UBE4B: variants seen among roughly 807,000 people sequenced by gnomAD.
UBE4B encodes the protein ubiquitin conjugation factor E4 B.
Under a neutral mutation model 148.1 loss-of-function variants are expected in UBE4B, and 27 were observed. The ratio of observed to expected loss-of-function variants is 0.18; its 90% CI spans 0.13 to 0.25. UBE4B has a LOEUF of 0.25. UBE4B is among the 10% of genes least tolerant of loss of function. The probability of loss-of-function intolerance (pLI) is 1.00; values close to 1 mark genes in which losing one functional copy is unlikely to be tolerated. For missense variants in UBE4B, 1,170 were observed against 1,662.4 expected, an observed-to-expected ratio of 0.70 and a Z score of 5.15; for synonymous variants, 596 against 619.3, an observed-to-expected ratio of 0.96 and a Z score of 0.56.
rs1447630759 is a variant in UBE4B at position 10,033,379 on chromosome 1, T to G, written c.-292T>G. 1 of 317,948 alleles carries G rather than the reference T, an allele frequency of 3.1e-6. No individual in the cohort carries two copies. Among genetic ancestry groups the G allele is most frequent in the East Asian group, 4.8e-5 (1 of 20,628 alleles). The allele number at this position is 317,948 out of a possible 1,614,324, so 19.7% of individuals were successfully genotyped here. ...GCTGGGTAACCTGGGAAGCAGAGGGTAATAAGTGGCGCCTTAAGACAACCC... is the reference window on the plus strand; with the variant it reads ...GCTGGGTAACCTGGGAAGCAGAGGGGAATAAGTGGCGCCTTAAGACAACCC... On this transcript the variant is annotated 5_prime_UTR_variant, in exon 1 of 28. Coordinates refer to ENST00000343090, the MANE Select transcript of UBE4B (RefSeq NM_001105562.3).
At chr1:10,145,103 A>C in intron 18 of UBE4B, 64 bp downstream of exon 18, 1 of 1,336,256 alleles carries the variant, frequency 7.5e-7, no homozygotes, top group African/African-American at 1.4e-5. Context: ...CCAACAGAAT[A>C]TATGCCTTGA....
chr1:10,147,472 G>A (rs981699776), intron 19 of UBE4B, among the ~76,000 whole-genome samples: 8 of 152,022 alleles, frequency 5.3e-5, no homozygotes, highest in East Asian at 3.9e-4. Flanking sequence ...CAGCCTGGGC[G>A]ACAGAGCGAG....
chr1:10,178,670 AG>A lies in UBE4B; in HGVS notation c.3553del (p.Glu1185LysfsTer15). The A allele has an allele frequency of 6.2e-7, 1 of 1,612,992 alleles. No homozygotes were observed. The highest frequency in any genetic ancestry group is 8.5e-7 in the Non-Finnish European group (1 of 1,179,698). ...QRSYSKELFEEVISKMRKAGI... is the reference protein window; with the variant it reads ...QRSYSKELFEXVISKMRKAGI... ...GATCCTACAGTAAGGAATTGTTTGA[AG>A]AAGTTATTTCAAAGATGCGGAAGGC... On this transcript the variant is annotated frameshift_variant, in exon 26 of 28. Coordinates refer to ENST00000343090, the MANE Select transcript of UBE4B (RefSeq NM_001105562.3). LOFTEE classifies it high-confidence loss of function.
At chr1:10,103,496 G>T (rs1469971881) in intron 5 of UBE4B, among the ~76,000 whole-genome samples, 1 of 150,342 alleles carries the variant, frequency 6.7e-6, no homozygotes, top group Admixed American at 6.6e-5. Context: ...GCAGTGGCAT[G>T]ATCTCAGCTG....
intron 4 of UBE4B, among the ~76,000 whole-genome samples, chr1:10,101,561 T>A (rs968375576): frequency 7.6e-5 from 10 of 131,522 alleles, no homozygotes; most frequent in Non-Finnish European, 1.4e-4. Context: ...CAGGCTGGAG[T>A]GCAGTGGTGC....
intron 8 of UBE4B, 66 bp downstream of exon 8, chr1:10,117,666 T>G: frequency 2.0e-6 from 3 of 1,479,876 alleles, no homozygotes; most frequent in Non-Finnish European, 2.7e-6. Flanking sequence ...TCCCCACCCC[T>G]GGAGCATTCA....
intron 1 of UBE4B, among the ~76,000 whole-genome samples, chr1:10,061,233 A>G (rs1393071289): frequency 1.3e-5 from 2 of 152,164 alleles, no homozygotes; most frequent in Non-Finnish European, 2.9e-5. Context: ...ACAACTGGCC[A>G]CATTTCTGTA....
chr1:10,175,652 A>G (rs963039278), intron 25 of UBE4B, among the ~76,000 whole-genome samples: 1 of 136,070 alleles, frequency 7.3e-6, no homozygotes, highest in African/African-American at 3.2e-5. Context: ...CTCCGTCTCA[A>G]ATAAATAAAT....
chr1:10,050,021 G>A (rs546175607), intron 1 of UBE4B, among the ~76,000 whole-genome samples: 85 of 152,250 alleles, frequency 5.6e-4, no homozygotes, highest in Non-Finnish European at 7.5e-4. Context: ...GAGAACATTG[G>A]AGAAAAACTG....
intron 19 of UBE4B, 116 bp downstream of exon 19, chr1:10,147,206 C>A: frequency 6.7e-7 from 1 of 1,499,222 alleles, no homozygotes; most frequent in Non-Finnish European, 9.1e-7. Flanking sequence ...GAATTCACTT[C>A]TCTGCAAGGC....
intron 4 of UBE4B, 150 bp from the exon 5 acceptor site, chr1:10,102,798 A>G: frequency 1.3e-6 from 1 of 756,048 alleles, no homozygotes; most frequent in Non-Finnish European, 2.0e-6. Flanking sequence ...GAATAGGCTT[A>G]CTTTTCCCCT....
At chr1:10,155,147 T>C (rs777622183) in intron 21 of UBE4B, among the ~76,000 whole-genome samples, 1 of 151,894 alleles carries the variant, frequency 6.6e-6, no homozygotes, top group Non-Finnish European at 1.5e-5. Flanking sequence ...ACTGGGCCTG[T>C]TGCCTATAAG....
intron 1 of UBE4B, 105 bp downstream of exon 1, chr1:10,033,799 G>C (rs974144119): frequency 1.7e-6 from 2 of 1,211,228 alleles, no homozygotes; most frequent in African/African-American, 3.1e-5. Context: ...GCTTGGAGAA[G>C]GAACGGAGAT....
At chr1:10,145,163 A>G (rs932435756) in intron 18 of UBE4B, 124 bp downstream of exon 18, 1 of 658,270 alleles carries the variant, frequency 1.5e-6, no homozygotes, top group African/African-American at 1.8e-5. Flanking sequence ...TTTCCCTTCC[A>G]ATAAAATAGT....
At chr1:10,151,592 G>T in intron 21 of UBE4B, 31 bp downstream of exon 21, 3 of 1,586,614 alleles carry the variant, frequency 1.9e-6, no homozygotes, top group Non-Finnish European at 2.6e-6. Context: ...GTAGCACATG[G>T]CAGGCCAACT....
chr1:10,054,072 TAA>T (rs540017820), intron 1 of UBE4B, among the ~76,000 whole-genome samples: 1 of 151,226 alleles, frequency 6.6e-6, no homozygotes, highest in Non-Finnish European at 1.5e-5. Flanking sequence ...AGATTTTTTT[TAA>T]AAAAAAAGAC....
In UBE4B at chr1:10,054,725, G is replaced by A. The variant is rs936459691; in HGVS notation, c.25-17303G>A. 9.8e-5 allele frequency: 24 copies of A among 244,956 alleles called. No individual in the cohort carries two copies. The East Asian group carries it at 2.4e-3, about 25-fold the overall frequency. 15.2% of individuals were successfully genotyped at this position (244,956 alleles called of 1,614,324 possible). ...CCAGTCTAGCCATGGTAACACTTGC[G>A]GGGCATTTTTTTTGGAACAGTACCC... is the stretch of plus-strand genomic sequence containing the variant. On this transcript the variant is annotated intron_variant, in intron 1 of 27. Transcript: ENST00000343090.
In UBE4B at chr1:10,171,281, C is replaced by T; in HGVS notation, c.3477C>T (p.Tyr1159=). The part of the protein sequence containing the change: ...KKLLDQLTDI[Y]LQLDCARFAK... ...TGTTGGACCAACTGACGGATATTTACTTACAGCTGGACTGTGCTCGGTTCG... is the reference window on the plus strand; with the variant it reads ...TGTTGGACCAACTGACGGATATTTATTTACAGCTGGACTGTGCTCGGTTCG... Residue 1159 remains tyrosine (Y), a synonymous_variant, in exon 25 of 28, where the codon TAC becomes TAT. Coordinates refer to ENST00000343090, the MANE Select transcript of UBE4B (RefSeq NM_001105562.3). 1.2e-6 allele frequency: 2 copies of T among 1,614,194 alleles called. No individual in the cohort carries two copies. The highest frequency in any genetic ancestry group is 1.1e-5 in the South Asian group (1 of 91,080).
intron 2 of UBE4B, among the ~76,000 whole-genome samples, chr1:10,088,113 G>T (rs2101860565): frequency 6.6e-6 from 1 of 152,214 alleles, no homozygotes; most frequent in Non-Finnish European, 1.5e-5. Flanking sequence ...ACCGTATGAT[G>T]CTCTAGACTT....
Sources: gnomAD v4.1 joint callset for allele counts (sites outside exome capture counted in the v4.1 genomes callset) on GRCh38, gnomAD v4.1.1 for gene constraint, MANE v1.5 for transcripts, NCBI Gene and HGNC (gene_info 2026-07-23, HGNC 2026-07-21) for gene names.